Variants in NTNG1 observed in about 807,000 individuals in gnomAD.
NTNG1 encodes the protein netrin-G1.
In NTNG1, 16 loss-of-function variants were observed where a neutral mutation model predicts 54.0. That is an observed-to-expected ratio of 0.30 (90% CI 0.20 to 0.45). The LOEUF (loss-of-function observed/expected upper bound fraction) is 0.45. NTNG1 is among the 20% of genes least tolerant of loss of function. The pLI, the probability that NTNG1 is intolerant of heterozygous loss-of-function variation, is 1.00. For synonymous variants in NTNG1, 255 were observed against 263.1 expected (o/e 0.97, Z 0.30); for missense variants, 530 against 678.7 (o/e 0.78, Z 2.43).
intron 2 of NTNG1, among the ~76,000 whole-genome samples, chr1:107,248,498 G>T (rs371067868): frequency 1.3e-5 from 2 of 152,172 alleles, no homozygotes; most frequent in South Asian, 4.2e-4. Flanking sequence ...TCTTACTAAG[G>T]AACTAAGATT....
At chr1:107,420,977 T>A (rs1674536336) in intron 5 of NTNG1, 2 of 740,274 alleles carry the variant, frequency 2.7e-6, no homozygotes, top group Non-Finnish European at 4.7e-6. Context: ...ATACAAATAG[T>A]CTCTTAATTT....
intron 7 of NTNG1, among the ~76,000 whole-genome samples, chr1:107,455,109 G>A (rs1172058616): frequency 6.6e-6 from 1 of 151,686 alleles, no homozygotes; most frequent in Non-Finnish European, 1.5e-5. Context: ...TGTCGCCCAG[G>A]CTGGAGTGCA....
At chr1:107,160,308 T>G (rs1326410078) in intron 2 of NTNG1, among the ~76,000 whole-genome samples, 2 of 152,130 alleles carry the variant, frequency 1.3e-5, no homozygotes, top group African/African-American at 2.4e-5. Context: ...CTTAACTCCT[T>G]TATATCCCTC....
At chr1:107,171,995 T>C (rs1656282512) in intron 2 of NTNG1, among the ~76,000 whole-genome samples, 1 of 152,172 alleles carries the variant, frequency 6.6e-6, no homozygotes, top group African/African-American at 2.4e-5. Context: ...AATGAAATGT[T>C]AACTTACTTT....
chr1:107,414,785 A>C (rs1674087218), intron 5 of NTNG1, among the ~76,000 whole-genome samples: 1 of 152,198 alleles, frequency 6.6e-6, no homozygotes, highest in South Asian at 2.1e-4. Context: ...GACAACAATG[A>C]GTAGCAGACA....
chr1:107,233,513 T>G (rs541142239), intron 2 of NTNG1, among the ~76,000 whole-genome samples: 1 of 152,312 alleles, frequency 6.6e-6, no homozygotes, highest in South Asian at 2.1e-4. Context: ...AAATCAATCT[T>G]AGCAATTGAT....
At chr1:107,350,115 T>C (rs1669511951) in intron 3 of NTNG1, among the ~76,000 whole-genome samples, 2 of 152,246 alleles carry the variant, frequency 1.3e-5, no homozygotes, top group South Asian at 4.1e-4. Context: ...ATATAATAAG[T>C]TGTGGTTCTG....
intron 3 of NTNG1, among the ~76,000 whole-genome samples, chr1:107,376,638 G>A (rs756661860): frequency 1.4e-4 from 22 of 152,008 alleles, no homozygotes; most frequent in Non-Finnish European, 1.9e-4. Flanking sequence ...CCTGAATTTT[G>A]TTTTGTTTCT....
intron 2 of NTNG1, among the ~76,000 whole-genome samples, chr1:107,283,910 C>T (rs1665027638): frequency 6.6e-6 from 1 of 152,148 alleles, no homozygotes; most frequent in African/African-American, 2.4e-5. Flanking sequence ...TGGCATATTG[C>T]TATATCTTTC....
intron 5 of NTNG1, 137 bp from the exon 6 acceptor site, chr1:107,430,613 C>T (rs562098261): frequency 2.3e-6 from 2 of 876,940 alleles, no homozygotes; most frequent in African/African-American, 1.6e-5. Flanking sequence ...CTGTTGCCAC[C>T]ATGTGTTGTG....
intron 7 of NTNG1, among the ~76,000 whole-genome samples, chr1:107,457,370 G>C (rs1677012507): frequency 6.6e-6 from 1 of 152,166 alleles, no homozygotes. Flanking sequence ...AATTCCATTT[G>C]CACCTTTTAC....
chr1:107,300,992 T>C (rs904089841), intron 2 of NTNG1, among the ~76,000 whole-genome samples: 1 of 152,138 alleles, frequency 6.6e-6, no homozygotes, highest in African/African-American at 2.4e-5. Context: ...TTTCTTTTTT[T>C]CTACCTAAAA....
chr1:107,430,853 G>A lies in NTNG1; in HGVS notation c.1191G>A (p.Glu397=). 1 of 1,613,356 alleles carries A rather than the reference G, an allele frequency of 6.2e-7. No individual in the cohort carries two copies. The highest frequency in any genetic ancestry group is 1.7e-5 in the Admixed American group (1 of 59,884). ...CKHNTRGQHC[E]LCRLGYFRNA... ...ACAACACTAGAGGGCAGCACTGTGA[G>A]TTATGCAGGCTGGGCTACTTCAGAA... Residue 397 remains glutamate, a synonymous_variant, in exon 6 of 8, where the codon GAG becomes GAA. Transcript: ENST00000370068.
At chr1:107,442,648 A>G (rs1033655877) in intron 7 of NTNG1, among the ~76,000 whole-genome samples, 2 of 152,278 alleles carry the variant, frequency 1.3e-5, no homozygotes, top group Non-Finnish European at 2.9e-5. Flanking sequence ...TGGCAAAGGA[A>G]CTAACAATTT....
intron 3 of NTNG1, among the ~76,000 whole-genome samples, chr1:107,392,002 T>A (rs554442947): frequency 6.6e-6 from 1 of 152,234 alleles, no homozygotes; most frequent in South Asian, 2.1e-4. Context: ...CTTGCCTAAC[T>A]GGGTGGAAGA....
chr1:107,305,580 G>T (rs1666638649), intron 2 of NTNG1, among the ~76,000 whole-genome samples: 2 of 151,130 alleles, frequency 1.3e-5, no homozygotes, highest in Admixed American at 6.6e-5. Context: ...CTTTTTGATG[G>T]GGTTATTTTT....
chr1:107,437,902 C>T (rs1258022607), intron 7 of NTNG1, among the ~76,000 whole-genome samples: 2 of 152,082 alleles, frequency 1.3e-5, no homozygotes, highest in Non-Finnish European at 2.9e-5. Context: ...TTGGACAGCA[C>T]AGCCCTAGAG....
chr1:107,205,626 T>TA (rs1459856926), intron 2 of NTNG1, among the ~76,000 whole-genome samples: 50 of 151,404 alleles, frequency 3.3e-4, no homozygotes, highest in Middle Eastern at 3.4e-3. Context: ...GACTTTTTTT[T>TA]TAAAAAAAAC....
chr1:107,230,474 G>C (rs1661000957), intron 2 of NTNG1, among the ~76,000 whole-genome samples: 1 of 152,166 alleles, frequency 6.6e-6, no homozygotes, highest in African/African-American at 2.4e-5. Flanking sequence ...AGTGGGTACA[G>C]TGCAGCTGGA....
Sources: allele counts gnomAD v4.1 joint callset (sites outside exome capture counted in the v4.1 genomes callset), GRCh38; gene constraint gnomAD v4.1.1; transcripts MANE v1.5; gene names NCBI Gene and HGNC (gene_info 2026-07-23, HGNC 2026-07-21).